OSBPL9: variants seen among roughly 807,000 people sequenced by gnomAD.
OSBPL9 encodes oxysterol-binding protein-related protein 9.
In OSBPL9, 40 loss-of-function variants were observed where a neutral mutation model predicts 106.6. The observed-to-expected ratio is 0.38, with a 90% confidence interval of 0.29 to 0.49. The LOEUF (loss-of-function observed/expected upper bound fraction) is 0.49, where lower values mean the gene tolerates loss of function less well. Among genes scored for constraint, OSBPL9 ranks in the 20% least tolerant of loss-of-function variants. The pLI is 0.97. For synonymous variants in OSBPL9, 269 were observed against 295.4 expected (o/e 0.91, Z 0.92); for missense variants, 609 against 887.2 (o/e 0.69, Z 3.98).
chr1:51,741,557 T>TTC (rs1231345042), intron 4 of OSBPL9, among the ~76,000 whole-genome samples: 1 of 150,384 alleles, frequency 6.6e-6, no homozygotes, highest in Admixed American at 6.6e-5. Flanking sequence ...CAACCTCTCT[T>TTC]TCTCTCTCTT....
intron 3 of OSBPL9, chr1:51,707,221 G>T: frequency 2.9e-6 from 1 of 343,790 alleles, no homozygotes. Flanking sequence ...CAGGAATTGA[G>T]CCTGACAAAG....
intron 15 of OSBPL9, among the ~76,000 whole-genome samples, chr1:51,777,555 CTG>C (rs1274983648): frequency 2.6e-5 from 4 of 152,112 alleles, no homozygotes; most frequent in Non-Finnish European, 5.9e-5. Flanking sequence ...TAGTCTCAGA[CTG>C]TGGTTTACTG....
intron 8 of OSBPL9, among the ~76,000 whole-genome samples, chr1:51,750,837 G>C (rs1483517676): frequency 6.6e-6 from 1 of 152,096 alleles, no homozygotes; most frequent in Non-Finnish European, 1.5e-5. Context: ...TTTATTTCCA[G>C]CAAGTGGCTA....
chr1:51,714,802 T>C (rs1660723903), intron 4 of OSBPL9, among the ~76,000 whole-genome samples: 1 of 152,222 alleles, frequency 6.6e-6, no homozygotes, highest in African/African-American at 2.4e-5. Context: ...TGTCAAATCC[T>C]GACCAGTCAC....
chr1:51,528,746 A>C, the OSBPL9 span, among the ~76,000 whole-genome samples: 3,743 of 151,476 alleles, frequency 0.025, 162 homozygotes, highest in African/African-American at 0.086. Flanking sequence ...GGTGGAGTAC[A>C]CCCATAGTCC....
chr1:51,784,309 T>TC lies in OSBPL9; in HGVS notation c.1674dup (p.Asn559GlnfsTer22). 1 of 1,613,966 alleles carries TC rather than the reference T, an allele frequency of 6.2e-7. No homozygotes were observed. The highest frequency in any genetic ancestry group is 2.2e-5 in the East Asian group (1 of 44,884). On this transcript the variant is annotated frameshift_variant, in exon 19 of 24. Coordinates refer to ENST00000428468, the MANE Select transcript of OSBPL9 (RefSeq NM_024586.6). LOFTEE classifies it high-confidence loss of function. Reference sequence around the variant, plus strand: ...TATGATGAACATTACATTCTCACATTCCCCAATGGCTATGGAAGGCAAGTG... The same window carrying TC: ...TATGATGAACATTACATTCTCACATTCCCCCAATGGCTATGGAAGGCAAGTG...
At chr1:51,681,824 C>A (rs953600010) in intron 3 of OSBPL9, among the ~76,000 whole-genome samples, 1 of 152,102 alleles carries the variant, frequency 6.6e-6, no homozygotes, top group African/African-American at 2.4e-5. Context: ...ATACTTTAAA[C>A]CATCAATAGA....
intron 4 of OSBPL9, among the ~76,000 whole-genome samples, chr1:51,723,030 T>C (rs762645305): frequency 6.6e-6 from 1 of 152,194 alleles, no homozygotes. Context: ...CACAGCAAAA[T>C]TGAGCAGAAT....
intron 3 of OSBPL9, among the ~76,000 whole-genome samples, chr1:51,705,419 T>A (rs1271493377): frequency 1.4e-4 from 16 of 117,174 alleles, no homozygotes; most frequent in African/African-American, 5.6e-4. Context: ...TTTTTTTTTT[T>A]TTTTTTTTTT....
At chr1:51,542,542 G>A in the OSBPL9 span, among the ~76,000 whole-genome samples, 2 of 152,216 alleles carry the variant, frequency 1.3e-5, no homozygotes, top group Non-Finnish European at 2.9e-5. Context: ...GGCAGCACTC[G>A]ATAGGTAGGT....
intron 2 of OSBPL9, among the ~76,000 whole-genome samples, chr1:51,600,008 T>C (rs1266084927): frequency 6.6e-6 from 1 of 152,222 alleles, no homozygotes; most frequent in Non-Finnish European, 1.5e-5. Context: ...CAGGCTGCTC[T>C]CTGAAGCTTC....
intron 3 of OSBPL9, among the ~76,000 whole-genome samples, chr1:51,703,848 G>T (rs1413142985): frequency 1.3e-5 from 2 of 152,124 alleles, no homozygotes; most frequent in African/African-American, 4.8e-5. Flanking sequence ...AGCATGAAGG[G>T]TTGTTGAATT....
At chr1:51,742,876 A>G (rs950763453) in intron 4 of OSBPL9, among the ~76,000 whole-genome samples, 2 of 152,242 alleles carry the variant, frequency 1.3e-5, no homozygotes, top group South Asian at 4.1e-4. Flanking sequence ...ATTAGGAAGT[A>G]GTGGGTTTCT....
chr1:51,760,918 A>C, intron 10 of OSBPL9, 138 bp downstream of exon 10: 1 of 881,108 alleles, frequency 1.1e-6, no homozygotes, highest in Non-Finnish European at 1.7e-6. Flanking sequence ...TAATACAGCC[A>C]AAAGTGAACT....
chr1:51,536,006 TA>T, the OSBPL9 span, among the ~76,000 whole-genome samples: 7 of 152,300 alleles, frequency 4.6e-5, no homozygotes, highest in East Asian at 1.3e-3. Context: ...CATGGATATG[TA>T]TATTTTTTCC....
intron 2 of OSBPL9, among the ~76,000 whole-genome samples, chr1:51,656,944 T>C (rs191169907): frequency 1.3e-5 from 2 of 152,238 alleles, no homozygotes; most frequent in South Asian, 2.1e-4. Context: ...TCCCAAAGCA[T>C]TGGAAATTAC....
At chr1:51,692,574 C>A (rs1208049649) in intron 3 of OSBPL9, among the ~76,000 whole-genome samples, 1 of 151,890 alleles carries the variant, frequency 6.6e-6, no homozygotes, top group Non-Finnish European at 1.5e-5. Flanking sequence ...GTCATATATG[C>A]AATCCCTCCC....
chr1:51,568,814 C>T, the OSBPL9 span, among the ~76,000 whole-genome samples: 1 of 152,190 alleles, frequency 6.6e-6, no homozygotes, highest in African/African-American at 2.4e-5. Context: ...ACTACAACCT[C>T]CATCTCCCAG....
chr1:51,617,313 G>C, intron 1 of OSBPL9, 92 bp downstream of exon 1: 1 of 1,333,014 alleles, frequency 7.5e-7, no homozygotes, highest in Non-Finnish European at 1.0e-6. Flanking sequence ...CTGAGTTGAG[G>C]TTGCTAGTCT....
Sources: allele counts gnomAD v4.1 joint callset (sites outside exome capture counted in the v4.1 genomes callset), GRCh38; gene constraint gnomAD v4.1.1; transcripts MANE v1.5; gene names NCBI Gene and HGNC (gene_info 2026-07-23, HGNC 2026-07-21).